ACTR10: variants seen among roughly 807,000 people sequenced by gnomAD.
ACTR10 encodes actin-related protein 10.
ACTR10 carries 43 observed loss-of-function variants against 56.2 expected under a neutral mutation model. The observed-to-expected ratio is 0.77, with a 90% CI of 0.60 to 0.99. ACTR10 has a LOEUF of 0.99. Ranked by LOEUF, ACTR10 falls within the 50% of genes least tolerant of loss-of-function variation. The probability of loss-of-function intolerance (pLI) is 0.00; values close to 1 mark genes in which losing one functional copy is unlikely to be tolerated. For synonymous variants in ACTR10, 170 were observed against 176.3 expected, an observed-to-expected ratio of 0.96 and a Z score of 0.28; for missense variants, 466 against 507.8, an observed-to-expected ratio of 0.92 and a Z score of 0.79.
chr14:58,200,480 G>A (rs1469214814), intron 1 of ACTR10, among the ~76,000 whole-genome samples, 186 bp downstream of exon 1: 1 of 152,144 alleles, frequency 6.6e-6, no homozygotes, highest in East Asian at 1.9e-4. Flanking sequence ...TCCGAGGATC[G>A]GGGTCTGACT....
At chr14:58,215,973 CTTTTTTT>C (rs754573194) in intron 7 of ACTR10, among the ~76,000 whole-genome samples, 4 of 135,766 alleles carry the variant, frequency 2.9e-5, no homozygotes, top group African/African-American at 5.4e-5. Flanking sequence ...TTCTTTCTTT[CTTTTTTT>C]TTTTTTTTTT....
At chr14:58,233,929 C>G (rs993193450) in intron 12 of ACTR10, among the ~76,000 whole-genome samples, 2 of 152,064 alleles carry the variant, frequency 1.3e-5, no homozygotes, top group African/African-American at 4.8e-5. Context: ...CCTTGTGGGT[C>G]TTAATAAGGT....
Position 58,213,644 on chromosome 14 carries a change from T to A in ACTR10, c.464T>A (p.Ile155Asn). The change falls in exon 6 of 13, where the codon ATC becomes AAC. Residue 155 changes from isoleucine (I) to asparagine (N), a missense_variant. By Grantham distance (149) the Ile-to-Asn change is moderately radical. Coordinates refer to ENST00000254286, the MANE Select transcript of ACTR10 (RefSeq NM_018477.3). The part of the protein sequence containing the change: ...ESLVLPIYEG[I>N]PVLNCWGALP... The stretch of plus-strand genomic sequence containing the variant: ...ACTACTCTATAGATATATGAAGGAA[T>A]CCCAGTTCTAAATTGTTGGGGAGCA... 4 of 1,448,150 alleles carry A rather than the reference T, an allele frequency of 2.8e-6. No homozygotes were observed. Among genetic ancestry groups the A allele is most frequent in the Non-Finnish European group, 3.9e-6 (4 of 1,034,634 alleles). 89.7% of individuals were successfully genotyped at this position (1,448,150 alleles called of 1,614,324 possible).
intron 12 of ACTR10, among the ~76,000 whole-genome samples, chr14:58,233,487 T>A (rs1445575347): frequency 6.6e-6 from 1 of 152,216 alleles, no homozygotes; most frequent in African/African-American, 2.4e-5. Flanking sequence ...AAGAAAAAGA[T>A]ACATCATGAA....
chr14:58,232,780 A>G (rs1319544918), intron 12 of ACTR10, among the ~76,000 whole-genome samples: 1 of 151,810 alleles, frequency 6.6e-6, no homozygotes, highest in Non-Finnish European at 1.5e-5. Flanking sequence ...TTGCACCGTG[A>G]TATTAAGTAA....
chr14:58,229,590 A>ATAGC (rs1889482022), intron 10 of ACTR10, among the ~76,000 whole-genome samples: 1 of 151,620 alleles, frequency 6.6e-6, no homozygotes, highest in Non-Finnish European at 1.5e-5. Context: ...AGGCAGGAGA[A>ATAGC]TGGCGTGAAT....
chr14:58,232,237 G>A lies in ACTR10; in HGVS notation c.1042G>A (p.Ala348Thr). Reference protein sequence around the residue: ...TKTFRIHTPPAKANCVAWLGG... With the variant: ...TKTFRIHTPPTKANCVAWLGG... ...GACATTTCGAATTCATACTCCACCTGCAAAAGCTAATTGTGTGGCCTGGTT... is the reference window on the plus strand; with the variant it reads ...GACATTTCGAATTCATACTCCACCTACAAAAGCTAATTGTGTGGCCTGGTT... The change falls in exon 12 of 13, where the codon GCA (alanine) becomes ACA (threonine). Residue 348 changes from alanine to threonine, a missense_variant. Coordinates refer to ENST00000254286, the MANE Select transcript of ACTR10 (RefSeq NM_018477.3). 1 of 1,613,362 alleles carries A rather than the reference G, an allele frequency of 6.2e-7. No individual in the cohort carries two copies. Among genetic ancestry groups the A allele is most frequent in the Non-Finnish European group, 8.5e-7 (1 of 1,179,738 alleles).
At position 58,234,317 on chromosome 14, in the gene ACTR10, G is replaced by A. The variant is rs1889616344; in HGVS notation, c.1073-53G>A. ...TGAAGTAGATGTATGTGTACATAAA[G>A]TTTTCTGGTAAAAGTTTTCATCTTA... On this transcript the variant is annotated intron_variant, in intron 12 of 12. Transcript: ENST00000254286. The A allele has an allele frequency of 5.4e-6, 8 of 1,487,902 alleles. No homozygotes were observed. In the South Asian group the frequency reaches 1.1e-4, roughly 21 times the overall value. 92.2% of individuals were successfully genotyped at this position (1,487,902 alleles called of 1,614,324 possible).
intron 8 of ACTR10, among the ~76,000 whole-genome samples, chr14:58,221,300 A>T (rs749417947): frequency 0.091 from 13,338 of 145,802 alleles, 900 homozygotes; most frequent in African/African-American, 0.18. Flanking sequence ...AAAAAAAAAA[A>T]AAATATATGC....
At chr14:58,225,811 C>T (rs1034622877) in intron 10 of ACTR10, among the ~76,000 whole-genome samples, 1 of 151,950 alleles carries the variant, frequency 6.6e-6, no homozygotes, top group Non-Finnish European at 1.5e-5. Context: ...CTCCTGGGTT[C>T]AAGCAATTCT....
At chr14:58,202,042 G>C (rs1888720719) in intron 1 of ACTR10, among the ~76,000 whole-genome samples, 1 of 149,874 alleles carries the variant, frequency 6.7e-6, no homozygotes, top group South Asian at 2.1e-4. Context: ...TGAAGATTAT[G>C]TTAATATGGG....
chr14:58,222,131 A>G (rs1344947003), intron 8 of ACTR10, among the ~76,000 whole-genome samples: 1 of 152,108 alleles, frequency 6.6e-6, no homozygotes, highest in Non-Finnish European at 1.5e-5. Flanking sequence ...AATATATATC[A>G]TATCAATATG....
At chr14:58,225,068 C>T (rs186220073) in intron 10 of ACTR10, among the ~76,000 whole-genome samples, 121 of 151,734 alleles carry the variant, frequency 8.0e-4, no homozygotes, top group Admixed American at 1.6e-3. Flanking sequence ...AGTTGGAATA[C>T]AAAATTAGCC....
intron 6 of ACTR10, among the ~76,000 whole-genome samples, chr14:58,213,908 A>G (rs2140050383): frequency 6.6e-6 from 1 of 152,318 alleles, no homozygotes; most frequent in South Asian, 2.1e-4. Flanking sequence ...GTAGGTGTAT[A>G]TATTTATGAG....
intron 11 of ACTR10, among the ~76,000 whole-genome samples, chr14:58,231,713 G>C (rs1889538702): frequency 6.6e-6 from 1 of 152,084 alleles, no homozygotes; most frequent in African/African-American, 2.4e-5. Flanking sequence ...TCCCAAAAAA[G>C]AGAAGTTATT....
In ACTR10 at chr14:58,232,404, C is replaced by CTTT. The variant is rs5808963; in HGVS notation, c.1072+162_1072+164dup. 619 of 135,646 alleles carry CTTT rather than the reference C, an allele frequency of 4.6e-3. 28 individuals carry two copies. Among genetic ancestry groups the CTTT allele is most frequent in the Admixed American group, 8.4e-3 (58 of 6,872 alleles). 8.4% of individuals were successfully genotyped at this position (135,646 alleles called of 1,614,324 possible). A position where few individuals can be genotyped will look rare whatever the true frequency, so the allele number is the denominator to read the frequency against. On this transcript the variant is annotated intron_variant, in intron 12 of 12. Coordinates refer to ENST00000254286, the MANE Select transcript of ACTR10 (RefSeq NM_018477.3). Reference sequence around the variant, plus strand: ...TAAATAGAACTAACACTGACTTTTTCTTTTTTTTTTTTTTTTTTTTTTTTT... The same window carrying CTTT: ...TAAATAGAACTAACACTGACTTTTTCTTTTTTTTTTTTTTTTTTTTTTTTTTTT...
chr14:58,216,181 G>C (rs892133914), intron 7 of ACTR10, among the ~76,000 whole-genome samples: 1 of 152,150 alleles, frequency 6.6e-6, no homozygotes, highest in Non-Finnish European at 1.5e-5. Flanking sequence ...CTGGAGGGCA[G>C]TGGCGCGATC....
intron 6 of ACTR10, among the ~76,000 whole-genome samples, chr14:58,214,360 T>A (rs940993628): frequency 2.0e-5 from 3 of 152,190 alleles, no homozygotes; most frequent in African/African-American, 7.2e-5. Flanking sequence ...TTCTTTTTTA[T>A]AGCTGAATAG....
chr14:58,233,983 T>C (rs1889606358), intron 12 of ACTR10, among the ~76,000 whole-genome samples: 2 of 152,162 alleles, frequency 1.3e-5, no homozygotes. Context: ...GTTTATTGGG[T>C]TTTGCAGTAC....
Sources: gnomAD v4.1 joint callset for allele counts (sites outside exome capture counted in the v4.1 genomes callset) on GRCh38, gnomAD v4.1.1 for gene constraint, MANE v1.5 for transcripts, NCBI Gene and HGNC (gene_info 2026-07-23, HGNC 2026-07-21) for gene names.